The following CNBD1 variants were observed in gnomAD, a reference collection of about 807,000 sequenced individuals.
CNBD1 encodes cyclic nucleotide binding domain containing 1.
Under a neutral mutation model 54.4 loss-of-function variants are expected in CNBD1, and 71 were observed. The observed-to-expected ratio is 1.30, with a 90% CI of 1.08 to 1.59. CNBD1 has a LOEUF of 1.59. Among genes scored for constraint, CNBD1 ranks in the 40% most tolerant of loss-of-function variants. CNBD1 has a pLI of 0.00. For synonymous variants in CNBD1, 182 were observed against 170.7 expected (o/e 1.07, Z -0.51); for missense variants, 659 against 518.0 (o/e 1.27, Z -2.64).
chr8:87,400,683 C>G (rs1807549685), intron 2 of CNBD1, among the ~76,000 whole-genome samples: 1 of 151,860 alleles, frequency 6.6e-6, no homozygotes, highest in Non-Finnish European at 1.5e-5. Context: ...GGAAAATAGT[C>G]TGTAATACAA....
At chr8:86,988,046 TG>T (rs1171415231) in intron 4 of CNBD1, among the ~76,000 whole-genome samples, 2 of 152,148 alleles carry the variant, frequency 1.3e-5, no homozygotes, top group African/African-American at 4.8e-5. Flanking sequence ...CTTCATTTTT[TG>T]TAACAGTCTC....
intron 6 of CNBD1, among the ~76,000 whole-genome samples, chr8:87,268,956 G>A (rs1167650900): frequency 1.3e-5 from 2 of 151,978 alleles, no homozygotes. Flanking sequence ...TTTTGTTTTT[G>A]TTGCAATTAC....
chr8:87,310,402 G>A (rs1029305188), intron 8 of CNBD1, among the ~76,000 whole-genome samples: 12 of 151,816 alleles, frequency 7.9e-5, no homozygotes, highest in Non-Finnish European at 1.0e-4. Flanking sequence ...AAATAAATAC[G>A]TAGGAAGACA....
intron 8 of CNBD1, among the ~76,000 whole-genome samples, chr8:87,308,195 C>T (rs1362215505): frequency 6.6e-6 from 1 of 152,188 alleles, no homozygotes; most frequent in South Asian, 2.1e-4. Flanking sequence ...TTACTTGGGC[C>T]AGGGGATGGA....
rs1245749967 is a variant in CNBD1 at position 87,428,556 on chromosome 8, A to T, written c.225A>T (p.Pro75=). 6.6e-6 allele frequency: 3 copies of T among 453,318 alleles called. No homozygotes were observed. In the Admixed American group the frequency reaches 7.2e-5, roughly 11 times the overall value. The allele number at this position is 453,318 out of a possible 1,614,324, so 28.1% of individuals were successfully genotyped here. A position where few individuals can be genotyped will look rare whatever the true frequency, so the allele number is the denominator to read the frequency against. ...TCTGTTTTCATCTAGAATTAGACCC[A>T]GTGACCAAGCAACTTATGCTCCAAA... The change falls in exon 3 of 8, where the codon CCA becomes CCT. Residue 75 remains proline (P), a synonymous_variant. Transcript: ENST00000521593.
chr8:86,972,491 A>G (rs1563843088), intron 4 of CNBD1, among the ~76,000 whole-genome samples: 1 of 152,178 alleles, frequency 6.6e-6, no homozygotes, highest in East Asian at 1.9e-4. Context: ...ATCTAACCTG[A>G]GTCTCTTCAT....
At chr8:86,908,586 A>G (rs1809052933) in intron 3 of CNBD1, among the ~76,000 whole-genome samples, 1 of 152,182 alleles carries the variant, frequency 6.6e-6, no homozygotes, top group African/African-American at 2.4e-5. Flanking sequence ...ATAAATGGCA[A>G]TGATGTTTTA....
intron 5 of CNBD1, among the ~76,000 whole-genome samples, chr8:87,211,522 T>C (rs1802218202): frequency 6.6e-6 from 1 of 152,172 alleles, no homozygotes; most frequent in African/African-American, 2.4e-5. Flanking sequence ...TTTCTGGTTC[T>C]TGGGGGTGGG....
At chr8:86,875,384 A>C (rs1319755014) in intron 1 of CNBD1, among the ~76,000 whole-genome samples, 1 of 152,090 alleles carries the variant, frequency 6.6e-6, no homozygotes, top group Non-Finnish European at 1.5e-5. Context: ...CCTGGTATAG[A>C]TGTCTACCAT....
intron 10 of CNBD1, among the ~76,000 whole-genome samples, chr8:87,378,634 C>G (rs1468069767): frequency 1.1e-4 from 15 of 137,880 alleles, no homozygotes; most frequent in African/African-American, 2.1e-4. Context: ...CTTGGCTCTG[C>G]AGGCTCTTTT....
chr8:87,119,228 T>C (rs1052488998), intron 4 of CNBD1, among the ~76,000 whole-genome samples: 1 of 152,162 alleles, frequency 6.6e-6, no homozygotes, highest in African/African-American at 2.4e-5. Flanking sequence ...TCGGATGTTT[T>C]TCTGTTTCTT....
In CNBD1 at chr8:87,353,714, G is replaced by T; in HGVS notation, c.1231G>T (p.Val411Phe). The stretch of plus-strand genomic sequence containing the variant: ...TGGTGAGATTAGCGTCCTTCTTCAA[G>T]TTCCTTTCACGTGCACAATCATTAC... ...SFGEISVLLQ[V>F]PFTCTIITKK... The change falls in exon 10 of 11, where the codon GTT (valine) becomes TTT (phenylalanine). Residue 411 changes from valine to phenylalanine, a missense_variant. Val to Phe is a conservative substitution (Grantham distance 50). Coordinates refer to ENST00000518476, the MANE Select transcript of CNBD1 (RefSeq NM_173538.3). The T allele has an allele frequency of 6.2e-7, 1 of 1,611,836 alleles. No homozygotes were observed. The highest frequency in any genetic ancestry group is 8.5e-7 in the Non-Finnish European group (1 of 1,178,698).
chr8:87,250,429 A>T (rs1285587881), intron 6 of CNBD1, among the ~76,000 whole-genome samples: 4 of 152,174 alleles, frequency 2.6e-5, no homozygotes, highest in African/African-American at 9.7e-5. Context: ...CCTCAAAAAT[A>T]TAAAAACAGA....
intron 4 of CNBD1, among the ~76,000 whole-genome samples, chr8:87,058,084 G>C (rs1370305133): frequency 6.6e-6 from 1 of 151,832 alleles, no homozygotes; most frequent in Non-Finnish European, 1.5e-5. Flanking sequence ...GAGAGAAATT[G>C]ACCAAAACAA....
At chr8:87,133,378 T>A (rs914323869) in intron 4 of CNBD1, among the ~76,000 whole-genome samples, 3 of 152,206 alleles carry the variant, frequency 2.0e-5, no homozygotes, top group African/African-American at 7.2e-5. Flanking sequence ...ATATTAACCT[T>A]TGACTCACAC....
At chr8:87,428,582 C>A in exon 3 of CNBD1, 1 of 455,062 alleles carries the variant, frequency 2.2e-6, no homozygotes, top group South Asian at 1.6e-5. Context: ...ATGCTCCAAA[C>A]AGCTAAACCA....
At chr8:87,228,522 T>G (rs1814570094) in intron 5 of CNBD1, among the ~76,000 whole-genome samples, 1 of 150,000 alleles carries the variant, frequency 6.7e-6, no homozygotes, top group Non-Finnish European at 1.5e-5. Context: ...AGTGTGCCCC[T>G]GCTGGGGGGT....
intron 6 of CNBD1, among the ~76,000 whole-genome samples, chr8:87,283,471 T>C (rs1808634741): frequency 6.6e-6 from 1 of 152,150 alleles, no homozygotes; most frequent in Admixed American, 6.6e-5. Flanking sequence ...ATACATAAGG[T>C]TAAGTTTGTA....
At chr8:86,954,604 G>C (rs549992798) in intron 4 of CNBD1, among the ~76,000 whole-genome samples, 4 of 152,196 alleles carry the variant, frequency 2.6e-5, no homozygotes, top group Non-Finnish European at 4.4e-5. Context: ...TTTTACTAAA[G>C]ACACATTTTA....
Sources: allele counts gnomAD v4.1 joint callset (sites outside exome capture counted in the v4.1 genomes callset), GRCh38; gene constraint gnomAD v4.1.1; transcripts MANE v1.5; gene names NCBI Gene and HGNC (gene_info 2026-07-23, HGNC 2026-07-21).